The following DPY19L3 variants were observed in gnomAD, a reference collection of about 807,000 sequenced individuals.
The protein encoded by DPY19L3 is dpy-19 like C-mannosyltransferase 3, also known as protein C-mannosyl-transferase DPY19L3.
Under a neutral mutation model 92.3 loss-of-function variants are expected in DPY19L3, and 51 were observed. That is an observed-to-expected ratio of 0.55 (90% CI 0.44 to 0.70). DPY19L3 has a LOEUF of 0.70. Among genes scored for constraint, DPY19L3 ranks in the 30% least tolerant of loss-of-function variants. The pLI is 0.00. For synonymous variants in DPY19L3, 309 were observed against 315.2 expected (o/e 0.98, Z 0.21); for missense variants, 706 against 855.9 (o/e 0.82, Z 2.18).
chr19:32,469,619 A>G (rs550663492), intron 16 of DPY19L3, among the ~76,000 whole-genome samples: 2 of 152,276 alleles, frequency 1.3e-5, no homozygotes, highest in South Asian at 4.1e-4. Context: ...AACTCATCAT[A>G]TTGCCAAAGC....
intron 3 of DPY19L3, among the ~76,000 whole-genome samples, chr19:32,419,336 A>T (rs761241637): frequency 6.6e-6 from 1 of 151,242 alleles, no homozygotes; most frequent in South Asian, 2.1e-4. Context: ...AATTTTTTGT[A>T]TTTTTTAGTA....
At chr19:32,407,195 C>G (rs1967989580) in intron 1 of DPY19L3, among the ~76,000 whole-genome samples, 1 of 151,384 alleles carries the variant, frequency 6.6e-6, no homozygotes, top group African/African-American at 2.4e-5. Flanking sequence ...TTCTGGAGGA[C>G]TGGAACCCGC....
intron 3 of DPY19L3, among the ~76,000 whole-genome samples, chr19:32,430,461 G>A (rs1024843315): frequency 6.6e-6 from 1 of 152,030 alleles, no homozygotes; most frequent in Non-Finnish European, 1.5e-5. Flanking sequence ...TTGGTTTTCT[G>A]TGAAAGGAAG....
chr19:32,418,523 T>A (rs955112036), intron 3 of DPY19L3, among the ~76,000 whole-genome samples: 1 of 152,214 alleles, frequency 6.6e-6, no homozygotes, highest in Non-Finnish European at 1.5e-5. Context: ...TTTTTAAATA[T>A]GTACATATTT....
At chr19:32,463,846 T>C (rs1041755246) in intron 13 of DPY19L3, 23 bp from the exon 14 acceptor site, 1 of 1,593,184 alleles carries the variant, frequency 6.3e-7, no homozygotes, top group Admixed American at 1.7e-5. Flanking sequence ...ACTTCTGACT[T>C]GCGCCTGTGT....
intron 3 of DPY19L3, among the ~76,000 whole-genome samples, chr19:32,423,401 A>ATT (rs1568328939): frequency 5.9e-5 from 3 of 50,890 alleles, no homozygotes; most frequent in African/African-American, 1.6e-4. Context: ...ATGCCCAGCT[A>ATT]ATTTTTTTTT....
Position 32,439,104 on chromosome 19 carries a change from T to C in DPY19L3, c.597-8T>C. 6.3e-7 allele frequency: 1 copy of C among 1,594,284 alleles called. No homozygotes were observed. Among genetic ancestry groups the C allele is most frequent in the Non-Finnish European group, 8.5e-7 (1 of 1,171,322 alleles). The stretch of plus-strand genomic sequence containing the variant: ...TCACTTTGGCCATTTGTGTTTTCTT[T>C]TGTGCAGAATAGATACCACAAGAGT... On this transcript the variant is annotated splice_polypyrimidine_tract_variant and splice_region_variant and intron_variant, in intron 6 of 18. Transcript: ENST00000392250.
rs1199836921 is a variant in DPY19L3 at position 32,438,504 on chromosome 19, C to CT, written c.597-607dup. ...TTGATACATTGTTTCATATATATCT[C>CT]TATCTTTTATAGAGAGATATATGTA... On this transcript the variant is annotated intron_variant, in intron 6 of 18. Coordinates refer to ENST00000392250, the MANE Select transcript of DPY19L3 (RefSeq NM_001172774.2). Among the ~76,000 whole-genome samples the CT allele has an allele frequency of 2.6e-5, 4 of 151,950 alleles. No homozygotes were observed. In the East Asian group the frequency reaches 7.7e-4, roughly 29 times the overall value.
At chr19:32,422,629 A>AAAACACACACAC (rs1555717072) in intron 3 of DPY19L3, among the ~76,000 whole-genome samples, 1 of 146,722 alleles carries the variant, frequency 6.8e-6, no homozygotes, top group Non-Finnish European at 1.5e-5. Flanking sequence ...AATCAGGAAA[A>AAAACACACACAC]ACACACACAC....
intron 8 of DPY19L3, among the ~76,000 whole-genome samples, chr19:32,441,399 A>G (rs1419559583): frequency 1.3e-5 from 2 of 152,166 alleles, no homozygotes; most frequent in South Asian, 2.1e-4. Flanking sequence ...AAAAATACAC[A>G]GTAAAGTATC....
chr19:32,458,109 A>C lies in DPY19L3; in HGVS notation c.1099A>C (p.Asn367His), dbSNP rs768750035. The C allele has an allele frequency of 6.2e-7, 1 of 1,613,082 alleles. No homozygotes were observed. Among genetic ancestry groups the C allele is most frequent in the East Asian group, 2.2e-5 (1 of 44,856 alleles). ...FLNNIIKKIL[N>H]LKSDEHIFKF... ...TCTCTTTCCCCGATAGAAAATTCTTAACCTGAAGTCAGATGAACACATATT... is the reference window on the plus strand; with the variant it reads ...TCTCTTTCCCCGATAGAAAATTCTTCACCTGAAGTCAGATGAACACATATT... Residue 367 changes from asparagine (N) to histidine (H), a missense_variant, in exon 11 of 19, where the codon AAC (asparagine) becomes CAC (histidine). Asn to His is a moderately conservative substitution (Grantham distance 68). Transcript: ENST00000392250.
At chr19:32,407,124 G>C (rs998135179) in intron 1 of DPY19L3, among the ~76,000 whole-genome samples, 4 of 151,710 alleles carry the variant, frequency 2.6e-5, no homozygotes, top group Non-Finnish European at 5.9e-5. Flanking sequence ...CAGGCTACTA[G>C]TCACATTTAA....
At chr19:32,452,062 G>A (rs897854529) in intron 8 of DPY19L3, among the ~76,000 whole-genome samples, 2 of 152,142 alleles carry the variant, frequency 1.3e-5, no homozygotes, top group South Asian at 2.1e-4. Flanking sequence ...CTGGGCTCAA[G>A]CAATCCTTCT....
At chr19:32,468,261 A>G (rs1343900781) in intron 15 of DPY19L3, 5 of 978,690 alleles carry the variant, frequency 5.1e-6, no homozygotes, top group South Asian at 4.7e-5. Flanking sequence ...AGGATAAAAC[A>G]AGGCCGTATT....
intron 6 of DPY19L3, among the ~76,000 whole-genome samples, chr19:32,438,287 G>T (rs571361985): frequency 1.3e-5 from 2 of 152,208 alleles, no homozygotes; most frequent in South Asian, 4.1e-4. Flanking sequence ...TTTACTGTAT[G>T]CCAAGCACTT....
At chr19:32,409,084 G>A (rs1353827559) in intron 2 of DPY19L3, among the ~76,000 whole-genome samples, 1 of 152,210 alleles carries the variant, frequency 6.6e-6, no homozygotes, top group African/African-American at 2.4e-5. Flanking sequence ...TTTAACAAAA[G>A]TAATCTGTAA....
chr19:32,474,030 T>C lies in DPY19L3; in HGVS notation c.1698-3492T>C, dbSNP rs1050923779. 4.6e-5 allele frequency among the ~76,000 whole-genome samples: 7 copies of C among 152,292 alleles called. 1 individual carries two copies. In the South Asian group the frequency reaches 1.5e-3, roughly 32 times the overall value. ...GTTGGCCAGGCTGGTCTCGAACTCC[T>C]GACCTCAAGCAATCTACCCACCTCA... On this transcript the variant is annotated intron_variant, in intron 16 of 18. Coordinates refer to ENST00000392250, the MANE Select transcript of DPY19L3 (RefSeq NM_001172774.2).
At position 32,482,297 on chromosome 19, in the gene DPY19L3, C is replaced by T. The variant is rs1970698049; in HGVS notation, c.*57C>T. Reference sequence around the variant, plus strand: ...ACGGAGAAACTGCATCATGATGAAACTCAATAGATGACGTTTCCTATGTAA... The same window carrying T: ...ACGGAGAAACTGCATCATGATGAAATTCAATAGATGACGTTTCCTATGTAA... On this transcript the variant is annotated 3_prime_UTR_variant, in exon 19 of 19. Transcript: ENST00000392250. 1 of 1,573,164 alleles carries T rather than the reference C, an allele frequency of 6.4e-7. No homozygotes were observed. Among genetic ancestry groups the T allele is most frequent in the Admixed American group, 1.9e-5 (1 of 53,290 alleles).
chr19:32,446,065 A>G (rs559784236), intron 8 of DPY19L3, among the ~76,000 whole-genome samples: 64 of 152,306 alleles, frequency 4.2e-4, no homozygotes, highest in Non-Finnish European at 6.5e-4. Flanking sequence ...GTGGTTCTCT[A>G]TATGTAAAAG....
Sources: allele counts gnomAD v4.1 joint callset (sites outside exome capture counted in the v4.1 genomes callset), GRCh38; gene constraint gnomAD v4.1.1; transcripts MANE v1.5; gene names NCBI Gene and HGNC (gene_info 2026-07-23, HGNC 2026-07-21).